Variants in JCHAIN observed in about 807,000 individuals in gnomAD.
JCHAIN encodes the protein joining chain of multimeric IgA and IgM.
JCHAIN carries 5 observed loss-of-function variants against 11.1 expected under a neutral mutation model. The ratio of observed to expected loss-of-function variants is 0.45; its 90% CI spans 0.24 to 0.95. The LOEUF (loss-of-function observed/expected upper bound fraction) is 0.95. JCHAIN is among the 40% of genes least tolerant of loss of function. JCHAIN has a pLI of 0.21. For synonymous variants in JCHAIN, 51 were observed against 67.8 expected (o/e 0.75, Z 1.22); for missense variants, 165 against 192.7 (o/e 0.86, Z 0.85).
intron 3 of JCHAIN, among the ~76,000 whole-genome samples, chr4:70,656,874 A>T (rs549997191): frequency 2.6e-5 from 4 of 152,294 alleles, no homozygotes; most frequent in Middle Eastern, 3.4e-3. Flanking sequence ...AGAATTTTTA[A>T]AAAAATTGAT....
chr4:70,661,975 A>C, intron 2 of JCHAIN, 117 bp downstream of exon 2: 1 of 922,752 alleles, frequency 1.1e-6, no homozygotes, highest in Non-Finnish European at 1.7e-6. Context: ...TACTCATGTA[A>C]AGTGCTACAC....
At position 70,656,404 on chromosome 4, in the gene JCHAIN, C is replaced by A; in HGVS notation, c.405G>T (p.Val135=). 5 of 1,613,990 alleles carry A rather than the reference C, an allele frequency of 3.1e-6. No homozygotes were observed. Among genetic ancestry groups the A allele is most frequent in the Non-Finnish European group, 4.2e-6 (5 of 1,179,906 alleles). ...TCTCACCACCATATACGAGTGGGAC[C>A]ACAGCTGTGTAGCACTTGTTTCTGT... is the stretch of plus-strand genomic sequence containing the variant. ...TYDRNKCYTA[V]VPLVYGGETK... The change falls in exon 4 of 4, where the codon GTG becomes GTT. Residue 135 remains valine, a synonymous_variant. Transcript: ENST00000254801.
chr4:70,660,573 G>A (rs984757306), intron 2 of JCHAIN, among the ~76,000 whole-genome samples: 29 of 151,836 alleles, frequency 1.9e-4, no homozygotes, highest in Non-Finnish European at 2.9e-5. Flanking sequence ...TAGTAGAGAC[G>A]GGGTTTCACC....
intron 2 of JCHAIN, among the ~76,000 whole-genome samples, chr4:70,660,395 T>TC: frequency 6.6e-6 from 1 of 151,674 alleles, no homozygotes; most frequent in East Asian, 1.9e-4. Flanking sequence ...TTTTTTTTTT[T>TC]TTTTGAGAAA....
At chr4:70,664,591 G>C (rs897566480) in intron 1 of JCHAIN, among the ~76,000 whole-genome samples, 11 of 152,114 alleles carry the variant, frequency 7.2e-5, no homozygotes, top group Non-Finnish European at 1.5e-4. Flanking sequence ...CTGACACTGT[G>C]TAATATTGGA....
At chr4:70,662,008 C>A in intron 2 of JCHAIN, 84 bp downstream of exon 2, 1 of 1,301,648 alleles carries the variant, frequency 7.7e-7, no homozygotes, top group Non-Finnish European at 1.1e-6. Context: ...AGTAAAGAGG[C>A]AGGTGTTACA....
chr4:70,663,960 G>C (rs913024908), intron 1 of JCHAIN: 1 of 151,680 alleles, frequency 6.6e-6, no homozygotes, highest in Non-Finnish European at 1.5e-5. Context: ...CGGGTGCAGT[G>C]GCTCACGCCT....
chr4:70,666,221 C>T (rs1397257711), intron 1 of JCHAIN, among the ~76,000 whole-genome samples: 2 of 151,870 alleles, frequency 1.3e-5, no homozygotes, highest in Admixed American at 6.6e-5. Context: ...TTGTAGTAGG[C>T]AAACAAGTAA....
chr4:70,658,103 T>C lies in JCHAIN; in HGVS notation c.189-812A>G, dbSNP rs190062599. 4.6e-5 allele frequency among the ~76,000 whole-genome samples: 7 copies of C among 152,316 alleles called. No homozygotes were observed. In the East Asian group the frequency reaches 1.4e-3, roughly 29 times the overall value. On this transcript the variant is annotated intron_variant, in intron 2 of 3. Transcript: ENST00000254801. ...ATCCAAGCCAAAAACCTGGCTATCATACCTGAATCCTCCCCTGTCACATAT... is the reference window on the plus strand; with the variant it reads ...ATCCAAGCCAAAAACCTGGCTATCACACCTGAATCCTCCCCTGTCACATAT...
intron 1 of JCHAIN, among the ~76,000 whole-genome samples, chr4:70,662,495 A>ATT (rs141287866): frequency 2.0e-5 from 3 of 151,728 alleles, no homozygotes; most frequent in African/African-American, 7.3e-5. Flanking sequence ...TTGTACTTAA[A>ATT]TTTTTTTTGT....
chr4:70,657,687 C>T (rs1384223543), intron 2 of JCHAIN, among the ~76,000 whole-genome samples: 2 of 152,108 alleles, frequency 1.3e-5, no homozygotes, highest in African/African-American at 4.8e-5. Context: ...TGCTTGTCTA[C>T]AGAGTGGTTG....
chr4:70,656,681 A>G (rs1738956098), intron 3 of JCHAIN, 142 bp from the exon 4 acceptor site: 1 of 634,872 alleles, frequency 1.6e-6, no homozygotes, highest in East Asian at 2.7e-5. Flanking sequence ...AAGCAGCTCT[A>G]CAATACAGAA....
intron 2 of JCHAIN, among the ~76,000 whole-genome samples, chr4:70,657,766 T>G (rs1017717669): frequency 1.3e-5 from 2 of 152,120 alleles, no homozygotes; most frequent in Non-Finnish European, 2.9e-5. Flanking sequence ...GCTAGGTATG[T>G]GGCATATGGA....
At chr4:70,664,257 C>T (rs984849914) in intron 1 of JCHAIN, 4 of 151,694 alleles carry the variant, frequency 2.6e-5, no homozygotes, top group African/African-American at 7.3e-5. Context: ...ATAATTACAA[C>T]AATGATGTTA....
intron 2 of JCHAIN, among the ~76,000 whole-genome samples, chr4:70,660,278 C>T (rs1739029101): frequency 1.3e-5 from 2 of 151,826 alleles, no homozygotes; most frequent in African/African-American, 4.8e-5. Flanking sequence ...AAGGAGTTAA[C>T]TAGGCTAAGA....
intron 2 of JCHAIN, among the ~76,000 whole-genome samples, chr4:70,659,817 A>G (rs748287831): frequency 6.6e-6 from 1 of 152,074 alleles, no homozygotes; most frequent in Non-Finnish European, 1.5e-5. Flanking sequence ...CAGTAAGCCA[A>G]GATCGCACCA....
At chr4:70,656,687 C>A (rs554003626) in intron 3 of JCHAIN, 148 bp from the exon 4 acceptor site, 33 of 621,358 alleles carry the variant, frequency 5.3e-5, no homozygotes, top group Middle Eastern at 4.3e-4. Context: ...CTCTACAATA[C>A]AGAATAGCTT....
chr4:70,657,522 GA>G (rs1738972193), intron 2 of JCHAIN, among the ~76,000 whole-genome samples: 1 of 152,024 alleles, frequency 6.6e-6, no homozygotes, highest in African/African-American at 2.4e-5. Flanking sequence ...TATCTTTGCT[GA>G]CTTGGCAAAT....
chr4:70,662,292 T>C (rs1003403486), intron 1 of JCHAIN, 77 bp from the exon 2 acceptor site: 2 of 1,323,162 alleles, frequency 1.5e-6, no homozygotes, highest in African/African-American at 1.5e-5. Context: ...ATTTTATCTT[T>C]CTTGCCTGCA....
Sources: allele counts gnomAD v4.1 joint callset (sites outside exome capture counted in the v4.1 genomes callset), GRCh38; gene constraint gnomAD v4.1.1; transcripts MANE v1.5; gene names NCBI Gene and HGNC (gene_info 2026-07-23, HGNC 2026-07-21).